WDR49: variants seen among roughly 807,000 people sequenced by gnomAD.
The protein encoded by WDR49 is cilia- and flagella-associated protein 337.
WDR49 carries 107 observed loss-of-function variants against 119.5 expected under a neutral mutation model. The observed-to-expected ratio is 0.90, with a 90% CI of 0.77 to 1.05. The LOEUF (loss-of-function observed/expected upper bound fraction) is 1.05. Ranked by LOEUF, WDR49 falls within the 50% of genes least tolerant of loss-of-function variation. WDR49 has a pLI of 0.00. For synonymous variants in WDR49, 425 were observed against 418.8 expected, an observed-to-expected ratio of 1.01 and a Z score of -0.18; for missense variants, 1,240 against 1,220.5, an observed-to-expected ratio of 1.02 and a Z score of -0.24.
chr3:167,593,692 A>C (rs1715255930), intron 7 of WDR49, among the ~76,000 whole-genome samples: 1 of 151,956 alleles, frequency 6.6e-6, no homozygotes. Context: ...TGGGCATTGA[A>C]GAGTTAGGTG....
intron 7 of WDR49, among the ~76,000 whole-genome samples, chr3:167,578,419 C>T (rs777834841): frequency 3.3e-5 from 5 of 152,014 alleles, no homozygotes; most frequent in Non-Finnish European, 7.4e-5. Context: ...TTCCACAACA[C>T]TAAATAATAT....
At chr3:167,564,333 G>A (rs1349617659) in intron 8 of WDR49, among the ~76,000 whole-genome samples, 1 of 152,122 alleles carries the variant, frequency 6.6e-6, no homozygotes. Flanking sequence ...CTCTCACTAT[G>A]ACAATATTGG....
intron 5 of WDR49, among the ~76,000 whole-genome samples, chr3:167,606,967 C>T (rs1716090661): frequency 6.6e-6 from 1 of 152,094 alleles, no homozygotes; most frequent in African/African-American, 2.4e-5. Context: ...CACTTGGGTT[C>T]TATGACGCAG....
rs368507920 is a variant in WDR49 at position 167,522,013 on chromosome 3, G to T, written c.2774+302C>A. 1.8e-4 allele frequency among the ~76,000 whole-genome samples: 22 copies of T among 119,442 alleles called. No homozygotes were observed. The East Asian group carries it at 2.5e-3, about 14-fold the overall frequency. The allele number at this position is 119,442 out of a possible 152,430, so 78.4% of individuals were successfully genotyped here. A position where few individuals can be genotyped will look rare whatever the true frequency, so the allele number is the denominator to read the frequency against. On this transcript the variant is annotated intron_variant, in intron 16 of 18. Coordinates refer to ENST00000682715, the MANE Select transcript of WDR49 (RefSeq NM_001366157.1). ...AGATAGATAGATAGATAGATAGATA[G>T]ATAGATTGTTTTTGAAGAAAGGGGC...
chr3:167,535,647 G>A (rs928794596), intron 11 of WDR49, among the ~76,000 whole-genome samples: 2 of 152,058 alleles, frequency 1.3e-5, no homozygotes, highest in African/African-American at 4.8e-5. Context: ...TATGGCTGGT[G>A]GGAATGTAAA....
At chr3:167,490,236 G>T (rs1751081839) in intron 18 of WDR49, among the ~76,000 whole-genome samples, 1 of 152,094 alleles carries the variant, frequency 6.6e-6, no homozygotes, top group Non-Finnish European at 1.5e-5. Context: ...GGGACCTGTT[G>T]AACCTTTTAA....
chr3:167,528,722 T>C (rs1466425509), intron 14 of WDR49, among the ~76,000 whole-genome samples: 1 of 151,562 alleles, frequency 6.6e-6, no homozygotes, highest in African/African-American at 2.4e-5. Context: ...TGTCTCAAAA[T>C]AAATAAATAA....
At chr3:167,500,705 C>A (rs1262085654) in intron 17 of WDR49, among the ~76,000 whole-genome samples, 1 of 151,964 alleles carries the variant, frequency 6.6e-6, no homozygotes, top group Non-Finnish European at 1.5e-5. Context: ...TTGGCAGGTA[C>A]TTTTTAAATA....
chr3:167,550,800 C>A lies in WDR49; in HGVS notation c.1823+3850G>T, dbSNP rs1207106017. On this transcript the variant is annotated intron_variant, in intron 10 of 18. Coordinates refer to ENST00000682715, the MANE Select transcript of WDR49 (RefSeq NM_001366157.1). ...TTTTGAGAGAGAGAGAGAGAGAGAG[C>A]TTTAAATATATTATAAAATCATAGA... Among the ~76,000 whole-genome samples, 6 of 142,552 alleles carry A rather than the reference C, an allele frequency of 4.2e-5. 1 individual carries two copies. Among genetic ancestry groups the A allele is most frequent in the Admixed American group, 2.1e-4 (3 of 14,320 alleles). 93.5% of individuals were successfully genotyped at this position (142,552 alleles called of 152,430 possible).
chr3:167,522,302 C>A lies in WDR49; in HGVS notation c.2774+13G>T. ...CTTCAGTTGACATCTGGCTAATGTT[C>A]AAAATTACTTACTTGTATGTTGAGT... On this transcript the variant is annotated intron_variant, in intron 16 of 18. Coordinates refer to ENST00000682715, the MANE Select transcript of WDR49 (RefSeq NM_001366157.1). 1 of 1,565,434 alleles carries A rather than the reference C, an allele frequency of 6.4e-7. No homozygotes were observed. The highest frequency in any genetic ancestry group is 1.2e-5 in the South Asian group (1 of 82,468).
At chr3:167,549,937 T>A (rs1712450825) in intron 10 of WDR49, among the ~76,000 whole-genome samples, 1 of 152,196 alleles carries the variant, frequency 6.6e-6, no homozygotes, top group Non-Finnish European at 1.5e-5. Context: ...CCAGCACCAT[T>A]TATTAAATAG....
chr3:167,571,940 C>T (rs1011436676), intron 8 of WDR49, among the ~76,000 whole-genome samples: 23 of 152,250 alleles, frequency 1.5e-4, no homozygotes, highest in Non-Finnish European at 3.2e-4. Context: ...ATCTATTTTA[C>T]AAAAATACAT....
chr3:167,522,207 A>G (rs1229703360), intron 16 of WDR49, 108 bp downstream of exon 16: 2 of 1,111,904 alleles, frequency 1.8e-6, no homozygotes, highest in Admixed American at 6.4e-5. Flanking sequence ...AGAAATCTTG[A>G]GGTAGTCATT....
chr3:167,613,521 C>T (rs927536888), intron 5 of WDR49, among the ~76,000 whole-genome samples: 3 of 152,166 alleles, frequency 2.0e-5, no homozygotes, highest in Admixed American at 6.5e-5. Context: ...GATTTAGATG[C>T]AGGGAAGTCG....
At chr3:167,521,628 G>A (rs73878738) in intron 16 of WDR49, among the ~76,000 whole-genome samples, 209 of 152,082 alleles carry the variant, frequency 1.4e-3, no homozygotes, top group African/African-American at 4.7e-3. Context: ...AATCAAAAGC[G>A]CCAAAATATT....
intron 7 of WDR49, among the ~76,000 whole-genome samples, chr3:167,578,701 G>T (rs1011690602): frequency 6.6e-6 from 1 of 152,014 alleles, no homozygotes; most frequent in Non-Finnish European, 1.5e-5. Flanking sequence ...ATCCAGAATG[G>T]AGCCAATATT....
At chr3:167,646,684 T>A (rs998584273) in intron 2 of WDR49, among the ~76,000 whole-genome samples, 20 of 152,186 alleles carry the variant, frequency 1.3e-4, no homozygotes, top group Non-Finnish European at 2.4e-4. Context: ...AGAGTACACA[T>A]CTGTAGCAAA....
chr3:167,630,119 C>T (rs932125942), intron 2 of WDR49, among the ~76,000 whole-genome samples: 2 of 152,044 alleles, frequency 1.3e-5, no homozygotes, highest in African/African-American at 4.8e-5. Context: ...ACAGAGAAAT[C>T]TTTCATGAAA....
At chr3:167,644,344 C>T (rs1394885206) in intron 2 of WDR49, among the ~76,000 whole-genome samples, 2 of 151,988 alleles carry the variant, frequency 1.3e-5, no homozygotes, top group African/African-American at 4.8e-5. Context: ...AGATAAGGTG[C>T]CCACAAACCC....
Sources: gnomAD v4.1 joint callset for allele counts (sites outside exome capture counted in the v4.1 genomes callset) on GRCh38, gnomAD v4.1.1 for gene constraint, MANE v1.5 for transcripts, NCBI Gene and HGNC (gene_info 2026-07-23, HGNC 2026-07-21) for gene names.